Variants in ADGRV1 observed in about 807,000 individuals in gnomAD.
ADGRV1 encodes the protein adhesion G protein-coupled receptor V1.
A neutral mutation model predicts 596.2 loss-of-function variants in ADGRV1; 359 were observed. The observed-to-expected ratio is 0.60, with a 90% CI of 0.55 to 0.66. The LOEUF (loss-of-function observed/expected upper bound fraction) is 0.66, where lower values mean the gene tolerates loss of function less well. Ranked by LOEUF, ADGRV1 falls within the 30% of genes least tolerant of loss-of-function variation. The pLI is 0.00. For missense variants in ADGRV1, 7,274 were observed against 7,575.6 expected (o/e 0.96, Z 1.48); for synonymous variants, 2,681 against 2,679.2 (o/e 1.00, Z -0.02).
At chr5:90,682,027 C>G (rs6894373) in intron 27 of ADGRV1, among the ~76,000 whole-genome samples, 1 of 151,910 alleles carries the variant, frequency 6.6e-6, no homozygotes, top group African/African-American at 2.4e-5. Context: ...CCACCACGCC[C>G]GGCTAATTTT....
At chr5:90,938,877 A>G (rs1472138444) in intron 83 of ADGRV1, among the ~76,000 whole-genome samples, 1 of 152,232 alleles carries the variant, frequency 6.6e-6, no homozygotes, top group African/African-American at 2.4e-5. Context: ...CCCAGGAAGT[A>G]TATCTAGGGG....
chr5:90,810,698 T>G lies in ADGRV1; in HGVS notation c.15438T>G (p.Val5146=). ...SFPETTVAVA[V]DTTLIPVETE... ...CCGAGACAACTGTGGCTGTAGCAGT[T>G]GACACAACTCTCATTCCTGTAGAAA... Residue 5146 remains valine, a synonymous_variant, in exon 74 of 90, where the codon GTT becomes GTG. Transcript: ENST00000405460. 6.2e-7 allele frequency: 1 copy of G among 1,613,894 alleles called. No individual in the cohort carries two copies. The highest frequency in any genetic ancestry group is 8.5e-7 in the Non-Finnish European group (1 of 1,179,882).
chr5:91,017,758 A>G (rs1242185811), intron 85 of ADGRV1, among the ~76,000 whole-genome samples: 1 of 151,858 alleles, frequency 6.6e-6, no homozygotes, highest in Non-Finnish European at 1.5e-5. Context: ...GTATCACTAG[A>G]AAATTTCGAT....
rs1175870877 is a variant in ADGRV1, at chr5:90,799,910, CTTA to C, written c.14518-2827_14518-2825del. On this transcript the variant is annotated intron_variant, in intron 70 of 89. Coordinates refer to ENST00000405460, the MANE Select transcript of ADGRV1 (RefSeq NM_032119.4). ...CTGAAACTGGACCCCTTCCTTATAC[CTTA>C]TACAAAAATTAACTCAAGATGGATT... is the stretch of plus-strand genomic sequence containing the variant. 6.6e-5 allele frequency among the ~76,000 whole-genome samples: 10 copies of C among 152,172 alleles called. 1 individual carries two copies. In the East Asian group the frequency reaches 1.9e-3, roughly 29 times the overall value.
chr5:90,646,073 G>T lies in ADGRV1; in HGVS notation c.3004G>T (p.Asp1002Tyr). ...AACTCTGAGGATTAGAAGAAATGAT[G>T]ACCCCATTTATTTTGCAGGTGGTAT... is the stretch of plus-strand genomic sequence containing the variant. ...TATLRIRRND[D>Y]PIYFAEPRVV... Residue 1002 changes from aspartate to tyrosine, a missense_variant, in exon 16 of 90, where the codon GAC becomes TAC. Asp to Tyr is a radical substitution (Grantham distance 160). Coordinates refer to ENST00000405460, the MANE Select transcript of ADGRV1 (RefSeq NM_032119.4). 1 of 1,580,392 alleles carries T rather than the reference G, an allele frequency of 6.3e-7. No homozygotes were observed. The highest frequency in any genetic ancestry group is 1.2e-5 in the South Asian group (1 of 85,364).
intron 68 of ADGRV1, 68 bp downstream of exon 68, chr5:90,788,378 T>C (rs1759709851): frequency 1.5e-6 from 2 of 1,373,520 alleles, no homozygotes; most frequent in Admixed American, 2.2e-5. Context: ...ACATTTACAT[T>C]TGTTGAAACT....
rs776235732 is a variant in ADGRV1 at position 90,614,848 on chromosome 5, A to C, written c.36A>C (p.Ala12=). 1.9e-6 allele frequency: 3 copies of C among 1,609,328 alleles called. No homozygotes were observed. In the South Asian group the frequency reaches 3.3e-5, roughly 18 times the overall value. Residue 12 remains alanine (A), a synonymous_variant, in exon 2 of 90, where the codon GCA becomes GCC. Transcript: ENST00000405460. The stretch of plus-strand genomic sequence containing the variant: ...TTTTTGTTTTAGGGATGCCCTCTGC[A>C]TCTTTATTAGTAAATCTTCTTTCAG... The part of the protein sequence containing the change: ...SVFLGPGMPS[A]SLLVNLLSAL...
chr5:90,639,804 T>A (rs1766733039), intron 11 of ADGRV1, among the ~76,000 whole-genome samples: 1 of 152,118 alleles, frequency 6.6e-6, no homozygotes, highest in Admixed American at 6.6e-5. Context: ...TCCCTCTTAA[T>A]TTTGCAAATT....
intron 83 of ADGRV1, among the ~76,000 whole-genome samples, chr5:90,947,382 C>A (rs752178816): frequency 6.6e-6 from 1 of 151,814 alleles, no homozygotes; most frequent in Non-Finnish European, 1.5e-5. Context: ...CTGGATATTA[C>A]GTCTTTGTCA....
chr5:90,595,880 C>CG (rs1200672013), intron 1 of ADGRV1, among the ~76,000 whole-genome samples: 2 of 147,294 alleles, frequency 1.4e-5, no homozygotes, highest in Non-Finnish European at 3.0e-5. Context: ...GCTGGCCTGG[C>CG]GGGGGGCTGA....
At chr5:90,577,851 TC>T (rs1757440794) in intron 1 of ADGRV1, among the ~76,000 whole-genome samples, 1 of 152,184 alleles carries the variant, frequency 6.6e-6, no homozygotes, top group Non-Finnish European at 1.5e-5. Flanking sequence ...TAAGTTGGAT[TC>T]CTAGGTATTT....
At chr5:91,030,537 T>C (rs1333497037) in intron 85 of ADGRV1, among the ~76,000 whole-genome samples, 1 of 150,656 alleles carries the variant, frequency 6.6e-6, no homozygotes, top group Non-Finnish European at 1.5e-5. Context: ...AGCCATGTTT[T>C]CTATTTTTAT....
rs1561680626 is a variant in ADGRV1 at position 90,763,392 on chromosome 5, G to GT, written c.12209dup (p.Arg4071ProfsTer3). ...CCGGTCCCCAGGAGGAAAAGGAACC[G>GT]TCCGACTTGAGTGGACCATAGATGA... On this transcript the variant is annotated frameshift_variant, in exon 59 of 90. Coordinates refer to ENST00000405460, the MANE Select transcript of ADGRV1 (RefSeq NM_032119.4). LOFTEE classifies it high-confidence loss of function. The GT allele has an allele frequency of 6.2e-7, 1 of 1,613,440 alleles. No individual in the cohort carries two copies.
chr5:90,665,256 GT>G (rs1319324922), intron 21 of ADGRV1, among the ~76,000 whole-genome samples: 2 of 152,192 alleles, frequency 1.3e-5, no homozygotes, highest in Admixed American at 1.3e-4. Context: ...ACTCTTTTTG[GT>G]TGGTAAACTA....
At chr5:91,014,370 C>G (rs1239674190) in intron 85 of ADGRV1, among the ~76,000 whole-genome samples, 1 of 151,994 alleles carries the variant, frequency 6.6e-6, no homozygotes, top group Non-Finnish European at 1.5e-5. Context: ...GTTTTGGTAT[C>G]AGGATGATGC....
chr5:90,564,687 C>T (rs1277449244), intron 1 of ADGRV1, among the ~76,000 whole-genome samples: 6 of 25,296 alleles, frequency 2.4e-4, no homozygotes, highest in Admixed American at 4.7e-4. Context: ...AGTGCAGTGG[C>T]GCGATCTCGG....
intron 70 of ADGRV1, among the ~76,000 whole-genome samples, chr5:90,800,199 C>T (rs1761204117): frequency 6.6e-6 from 1 of 152,044 alleles, no homozygotes; most frequent in Non-Finnish European, 1.5e-5. Context: ...GGCTAATATC[C>T]AGAATCTACA....
intron 85 of ADGRV1, among the ~76,000 whole-genome samples, chr5:91,004,277 C>G (rs1040433463): frequency 3.9e-5 from 6 of 152,020 alleles, no homozygotes; most frequent in African/African-American, 1.4e-4. Flanking sequence ...GATGAACTGA[C>G]TTTGAGGAAT....
In ADGRV1 at chr5:90,985,506, C is replaced by T; in HGVS notation, c.18136C>T (p.Leu6046Phe). The change falls in exon 85 of 90, where the codon CTC (leucine) becomes TTC (phenylalanine). Residue 6046 changes from leucine to phenylalanine, a missense_variant. By Grantham distance (22) the Leu-to-Phe change is conservative. Coordinates refer to ENST00000405460, the MANE Select transcript of ADGRV1 (RefSeq NM_032119.4). Reference sequence around the variant, plus strand: ...TCAGAGCATGTCACAGATCTATGGACTCATTCATGGTGACCTGTAAGTACA... The same window carrying T: ...TCAGAGCATGTCACAGATCTATGGATTCATTCATGGTGACCTGTAAGTACA... ...YHQSMSQIYG[L>F]IHGDLCFIPN... 1 of 1,613,602 alleles carries T rather than the reference C, an allele frequency of 6.2e-7. No individual in the cohort carries two copies. The highest frequency in any genetic ancestry group is 8.5e-7 in the Non-Finnish European group (1 of 1,179,564).
Sources: allele counts gnomAD v4.1 joint callset (sites outside exome capture counted in the v4.1 genomes callset), GRCh38; gene constraint gnomAD v4.1.1; transcripts MANE v1.5; gene names NCBI Gene and HGNC (gene_info 2026-07-23, HGNC 2026-07-21).